Variants in NUP214 observed in about 807,000 individuals in gnomAD.
NUP214 encodes nucleoporin 214, also known as nuclear pore complex protein Nup214.
Under a neutral mutation model 196.2 loss-of-function variants are expected in NUP214, and 79 were observed. The observed-to-expected ratio is 0.40, with a 90% confidence interval of 0.34 to 0.49. NUP214 has a LOEUF of 0.49. NUP214 is among the 20% of genes least tolerant of loss of function. The pLI is 0.58. For missense variants in NUP214, 2,468 were observed against 2,539.0 expected (o/e 0.97, Z 0.60); for synonymous variants, 1,020 against 990.5 (o/e 1.03, Z -0.56).
rs1833042223 is a variant in NUP214, at chr9:131,174,341, A to G, written c.3157+23A>G. On this transcript the variant is annotated intron_variant, in intron 22 of 35. Coordinates refer to ENST00000359428, the MANE Select transcript of NUP214 (RefSeq NM_005085.4). ...CAGGTAAGTAAACAGTGGGAAAGGAAACTGTTTTTCCCTATGATGTTTCTA... is the reference window on the plus strand; with the variant it reads ...CAGGTAAGTAAACAGTGGGAAAGGAGACTGTTTTTCCCTATGATGTTTCTA... 14 of 1,601,964 alleles carry G rather than the reference A, an allele frequency of 8.7e-6. 1 individual carries two copies. The African/African-American group carries it at 1.2e-4, about 14-fold the overall frequency.
intron 21 of NUP214, among the ~76,000 whole-genome samples, chr9:131,172,217 T>G (rs1832978921): frequency 6.6e-6 from 1 of 151,828 alleles, no homozygotes; most frequent in Middle Eastern, 3.2e-3. Context: ...CAGCACCTGT[T>G]GTTTCCTGAC....
intron 18 of NUP214, among the ~76,000 whole-genome samples, chr9:131,160,513 T>C (rs1832597863): frequency 6.6e-6 from 1 of 152,190 alleles, no homozygotes. Context: ...TAGAATGTCA[T>C]GCACCATGAG....
intron 16 of NUP214, among the ~76,000 whole-genome samples, chr9:131,151,161 T>C (rs562268782): frequency 6.6e-6 from 1 of 152,368 alleles, no homozygotes; most frequent in East Asian, 1.9e-4. Context: ...TATGAAAATA[T>C]TAAATGCTGG....
At chr9:131,231,912 CA>C (rs900440054) in intron 34 of NUP214, among the ~76,000 whole-genome samples, 2,088 of 43,970 alleles carry the variant, frequency 0.047, 34 homozygotes, top group African/African-American at 0.12. Flanking sequence ...ACAACAACAG[CA>C]AAAAAAAAAA....
At chr9:131,184,081 A>AGT (rs1833379656) in intron 24 of NUP214, among the ~76,000 whole-genome samples, 1 of 122,580 alleles carries the variant, frequency 8.2e-6, no homozygotes, top group Non-Finnish European at 1.6e-5. Flanking sequence ...CCCAGGCAGG[A>AGT]GTGCAGTGGC....
rs549893300 is a variant in NUP214 at position 131,197,007 on chromosome 9, T to G, written c.3722-209T>G. 7.6e-4 allele frequency among the ~76,000 whole-genome samples: 116 copies of G among 152,276 alleles called. No homozygotes were observed. The Middle Eastern group carries it at 0.017, about 22-fold the overall frequency. On this transcript the variant is annotated intron_variant, in intron 28 of 35. Transcript: ENST00000359428. ...ATTTAATGGTCATAAAAAAAGTATTTTTTCCTTTTCACCTCAGACGACTCA... is the reference window on the plus strand; with the variant it reads ...ATTTAATGGTCATAAAAAAAGTATTGTTTCCTTTTCACCTCAGACGACTCA...
In NUP214 at chr9:131,135,321, T is replaced by G. The variant is rs904326017; in HGVS notation, c.938+317T>G. On this transcript the variant is annotated intron_variant, in intron 8 of 35. Transcript: ENST00000359428. ...TGGGATCTTGCTATGTTGCTCAGAC[T>G]GGCTTCCCAAAGTACTGAGATTACA... The G allele has an allele frequency of 8.1e-5, 21 of 259,146 alleles. No homozygotes were observed. In the East Asian group the frequency reaches 1.5e-3, roughly 18 times the overall value. The allele number at this position is 259,146 out of a possible 1,614,324, so 16.1% of individuals were successfully genotyped here. A position where few individuals can be genotyped will look rare whatever the true frequency, so the allele number is the denominator to read the frequency against.
At chr9:131,177,253 A>G (rs182562129) in intron 23 of NUP214, among the ~76,000 whole-genome samples, 15 of 152,356 alleles carry the variant, frequency 9.8e-5, no homozygotes, top group Admixed American at 2.6e-4. Context: ...ATTGAAGAAC[A>G]AAACAAAGAT....
intron 5 of NUP214, among the ~76,000 whole-genome samples, chr9:131,132,011 CTGCATCAG>C (rs1396898411): frequency 1.3e-5 from 2 of 152,024 alleles, no homozygotes; most frequent in African/African-American, 4.8e-5. Context: ...TGATGATTGT[CTGCATCAG>C]TGCTAGTGGC....
In NUP214 at chr9:131,143,881, G is replaced by A. The variant is rs543549303; in HGVS notation, c.1295-399G>A. On this transcript the variant is annotated intron_variant, in intron 11 of 35. Transcript: ENST00000359428. ...TGAGACCTAACATATCTATCAATTT[G>A]CCTCCTTTGTTTTGAGATACCTGTA... Among the ~76,000 whole-genome samples, 5 of 151,428 alleles carry A rather than the reference G, an allele frequency of 3.3e-5. No homozygotes were observed. In the South Asian group the frequency reaches 1.0e-3, roughly 32 times the overall value.
At chr9:131,164,262 A>G in intron 21 of NUP214, 118 bp downstream of exon 21, 1 of 828,928 alleles carries the variant, frequency 1.2e-6, no homozygotes, top group Admixed American at 2.3e-5. Flanking sequence ...ATGTGTGTGT[A>G]AGTGTGTGTG....
chr9:131,186,543 G>A lies in NUP214; in HGVS notation c.3420-746G>A, dbSNP rs115858080. Among the ~76,000 whole-genome samples, 293 of 152,340 alleles carry A rather than the reference G, an allele frequency of 1.9e-3. 3 individuals carry two copies. The highest frequency in any genetic ancestry group is 6.7e-3 in the African/African-American group (280 of 41,578). On this transcript the variant is annotated intron_variant, in intron 24 of 35. Transcript: ENST00000359428. ...ACTACTGCTATATATACCAGTCAGA[G>A]TAGCGCTGGGCTGACAACAGATAAA... is the stretch of plus-strand genomic sequence containing the variant.
intron 24 of NUP214, among the ~76,000 whole-genome samples, chr9:131,181,264 C>T (rs997845675): frequency 5.9e-5 from 9 of 151,988 alleles, no homozygotes; most frequent in East Asian, 1.9e-4. Context: ...CCTCTGGTGA[C>T]GAGAGTAGAG....
chr9:131,127,309 G>C (rs573585518), intron 1 of NUP214, among the ~76,000 whole-genome samples: 1 of 152,254 alleles, frequency 6.6e-6, no homozygotes, highest in African/African-American at 2.4e-5. Flanking sequence ...CTTGAACCTG[G>C]GAGGCAGAGG....
At chr9:131,204,278 G>A (rs1445306657) in intron 30 of NUP214, among the ~76,000 whole-genome samples, 1 of 152,200 alleles carries the variant, frequency 6.6e-6, no homozygotes, top group Non-Finnish European at 1.5e-5. Flanking sequence ...ATCTTAAGAA[G>A]TGTCATAGCA....
At position 131,159,464 on chromosome 9, in the gene NUP214, C is replaced by T. The variant is rs1412804119; in HGVS notation, c.2518C>T (p.Leu840=). 2 of 1,613,576 alleles carry T rather than the reference C, an allele frequency of 1.2e-6. No individual in the cohort carries two copies. Among genetic ancestry groups the T allele is most frequent in the African/African-American group, 2.7e-5 (2 of 74,900 alleles). ...DVLDLEWDQH[L]EQKKKQRHLL... ...TCTAGACTTGGAGTGGGATCAGCAT[C>T]TGGAACAAAAGAAAAAACAAAGGTG... The change falls in exon 18 of 36, where the codon CTG becomes TTG. Residue 840 remains leucine, a synonymous_variant. Transcript: ENST00000359428.
chr9:131,150,203 T>C (rs1400126216), intron 14 of NUP214, 121 bp from the exon 15 acceptor site: 2 of 792,192 alleles, frequency 2.5e-6, no homozygotes, highest in Non-Finnish European at 4.1e-6. Context: ...TAAGGATTCG[T>C]TACAATGAGT....
In NUP214 at chr9:131,234,589, T is replaced by A. The variant is rs1000097042; in HGVS notation, c.*1102T>A. The A allele has an allele frequency of 3.7e-5, 8 of 213,450 alleles. No homozygotes were observed. Among genetic ancestry groups the A allele is most frequent in the Non-Finnish European group, 7.3e-5 (8 of 109,730 alleles). The allele number at this position is 213,450 out of a possible 1,614,324, so 13.2% of individuals were successfully genotyped here. ...GAGCAGCGGGGAGTTGGGAAGAGAT[T>A]TTTTTTTTTAGAGTTTTACATATTG... On this transcript the variant is annotated 3_prime_UTR_variant, in exon 36 of 36. Coordinates refer to ENST00000359428, the MANE Select transcript of NUP214 (RefSeq NM_005085.4).
At chr9:131,151,643 TG>T (rs1302939324) in intron 16 of NUP214, 92 bp from the exon 17 acceptor site, 1 of 902,658 alleles carries the variant, frequency 1.1e-6, no homozygotes, top group African/African-American at 1.7e-5. Flanking sequence ...TTCTGTTCAG[TG>T]AGCGTTTGAG....
Sources: gnomAD v4.1 joint callset for allele counts (sites outside exome capture counted in the v4.1 genomes callset) on GRCh38, gnomAD v4.1.1 for gene constraint, MANE v1.5 for transcripts, NCBI Gene and HGNC (gene_info 2026-07-23, HGNC 2026-07-21) for gene names.